The following PTPN12 variants were observed in gnomAD, a reference collection of about 807,000 sequenced individuals.
PTPN12 encodes the protein tyrosine-protein phosphatase non-receptor type 12.
In PTPN12, 29 loss-of-function variants were observed where a neutral mutation model predicts 97.6. The ratio of observed to expected loss-of-function variants is 0.30; its 90% CI spans 0.22 to 0.41. PTPN12 has a LOEUF of 0.41. Ranked by LOEUF, PTPN12 falls within the 10% of genes least tolerant of loss-of-function variation. PTPN12 has a pLI of 1.00. For missense variants in PTPN12, 819 were observed against 926.0 expected, an observed-to-expected ratio of 0.88 and a Z score of 1.50; for synonymous variants, 327 against 300.4, an observed-to-expected ratio of 1.09 and a Z score of -0.91.
chr7:77,591,231 GTAT>G (rs1462822180), intron 5 of PTPN12, among the ~76,000 whole-genome samples: 1 of 152,104 alleles, frequency 6.6e-6, no homozygotes, highest in Non-Finnish European at 1.5e-5. Context: ...TCCATTTACT[GTAT>G]TTGGAACTGT....
intron 8 of PTPN12, chr7:77,605,041 G>T (rs1562743013): frequency 1.2e-5 from 2 of 169,662 alleles, no homozygotes; most frequent in Non-Finnish European, 2.6e-5. Flanking sequence ...TCAAATTTTA[G>T]ATATATATAA....
intron 1 of PTPN12, among the ~76,000 whole-genome samples, chr7:77,570,831 T>A (rs1283449590): frequency 6.6e-6 from 1 of 152,252 alleles, no homozygotes; most frequent in African/African-American, 2.4e-5. Context: ...ATTAATGATA[T>A]CTTTAAATTA....
At chr7:77,627,939 T>C (rs570764250) in intron 13 of PTPN12, among the ~76,000 whole-genome samples, 145 of 152,352 alleles carry the variant, frequency 9.5e-4, no homozygotes, top group Non-Finnish European at 1.9e-3. Context: ...TTCTGTATTA[T>C]AGATCTTAGT....
chr7:77,597,920 T>C lies in PTPN12; in HGVS notation c.552+19T>C. 5 of 1,610,662 alleles carry C rather than the reference T, an allele frequency of 3.1e-6. No individual in the cohort carries two copies. The highest frequency in any genetic ancestry group is 1.1e-5 in the South Asian group (1 of 90,084). On this transcript the variant is annotated intron_variant, in intron 7 of 17. Coordinates refer to ENST00000248594, the MANE Select transcript of PTPN12 (RefSeq NM_002835.4). ...TCAAAATGTAGGTACTTACCATTTA[T>C]AGACTATCTGTAAGAATAGTTTTCA...
At chr7:77,612,317 C>T (rs1300854167) in intron 11 of PTPN12, among the ~76,000 whole-genome samples, 2 of 152,168 alleles carry the variant, frequency 1.3e-5, no homozygotes, top group African/African-American at 4.8e-5. Context: ...CCTTTATTAA[C>T]ATAGGAATTA....
At chr7:77,603,442 C>T (rs1448890650) in intron 8 of PTPN12, among the ~76,000 whole-genome samples, 1 of 152,160 alleles carries the variant, frequency 6.6e-6, no homozygotes, top group African/African-American at 2.4e-5. Context: ...TGTTAAAACT[C>T]GAGAATGTGT....
rs879720944 is a variant in PTPN12 at position 77,627,479 on chromosome 7, A to G, written c.1800A>G (p.Pro600=). The change falls in exon 13 of 18, where the codon CCA becomes CCG. Residue 600 remains proline, a synonymous_variant. Transcript: ENST00000248594. ...LFRTPLSFTN[P]LHSDDSDSDE... is the part of the protein sequence containing the mutation. The stretch of plus-strand genomic sequence containing the variant: ...GAACACCCCTCAGTTTTACTAATCC[A>G]CTTCACTCTGATGACTCAGACTCAG... 6.2e-7 allele frequency: 1 copy of G among 1,613,724 alleles called. No individual in the cohort carries two copies. Among genetic ancestry groups the G allele is most frequent in the Non-Finnish European group, 8.5e-7 (1 of 1,179,746 alleles).
At chr7:77,542,369 A>G (rs1807019895) in intron 1 of PTPN12, among the ~76,000 whole-genome samples, 1 of 152,176 alleles carries the variant, frequency 6.6e-6, no homozygotes. Context: ...GTTCTGGTAG[A>G]AAAGGTGAGA....
At chr7:77,631,572 A>G (rs574137070) in intron 13 of PTPN12, among the ~76,000 whole-genome samples, 1 of 152,352 alleles carries the variant, frequency 6.6e-6, no homozygotes, top group African/African-American at 2.4e-5. Flanking sequence ...TGAAAACTCA[A>G]AGATCAAATA....
intron 12 of PTPN12, 44 bp from the exon 13 acceptor site, chr7:77,626,661 G>C: frequency 6.5e-7 from 1 of 1,537,160 alleles, no homozygotes. Flanking sequence ...GTATCAACTT[G>C]TTTAACAGTC....
intron 5 of PTPN12, among the ~76,000 whole-genome samples, chr7:77,585,842 A>G (rs914576042): frequency 2.6e-5 from 4 of 152,234 alleles, no homozygotes; most frequent in African/African-American, 9.6e-5. Context: ...CAATAGCGCA[A>G]TTCAAACAAA....
At chr7:77,604,424 A>G (rs532941446) in intron 8 of PTPN12, among the ~76,000 whole-genome samples, 9 of 151,604 alleles carry the variant, frequency 5.9e-5, no homozygotes, top group Non-Finnish European at 1.2e-4. Context: ...CATGTTTGTC[A>G]GGCTGGTCTT....
At chr7:77,556,147 G>T (rs965454438) in intron 1 of PTPN12, among the ~76,000 whole-genome samples, 1 of 151,914 alleles carries the variant, frequency 6.6e-6, no homozygotes, top group Non-Finnish European at 1.5e-5. Context: ...TGCAACCTCC[G>T]CCTCCTGGGC....
Position 77,639,369 on chromosome 7 carries a change from G to T in PTPN12, c.*89G>T, listed in dbSNP as rs1789719102. 1.9e-6 allele frequency: 2 copies of T among 1,054,464 alleles called. No individual in the cohort carries two copies. The highest frequency in any genetic ancestry group is 1.4e-6 in the Non-Finnish European group (1 of 698,830). The allele number at this position is 1,054,464 out of a possible 1,614,324, so 65.3% of individuals were successfully genotyped here. A position where few individuals can be genotyped will look rare whatever the true frequency, so the allele number is the denominator to read the frequency against. On this transcript the variant is annotated 3_prime_UTR_variant, in exon 18 of 18. Transcript: ENST00000248594. ...TTATAGTATTCCATCTTTAATATGT[G>T]GGACTAACAGCAGTGTAGATTGTTA... is the stretch of plus-strand genomic sequence containing the variant.
At chr7:77,625,472 G>GCTTGCGCTCTCTCTCTCTCTCT (rs1554326598) in intron 12 of PTPN12, among the ~76,000 whole-genome samples, 7 of 33,530 alleles carry the variant, frequency 2.1e-4, no homozygotes, top group African/African-American at 8.0e-4. Context: ...CAGGCTGCTC[G>GCTTGCGCTCTCTCTCTCTCTCT]CTCTCTCTCT....
intron 1 of PTPN12, among the ~76,000 whole-genome samples, chr7:77,556,660 C>T (rs371867685): frequency 2.0e-5 from 3 of 151,914 alleles, no homozygotes; most frequent in East Asian, 1.9e-4. Context: ...CCATCCTGGC[C>T]AACATGGTGA....
chr7:77,571,800 C>T (rs887399888), intron 2 of PTPN12, among the ~76,000 whole-genome samples: 6 of 152,068 alleles, frequency 3.9e-5, no homozygotes, highest in African/African-American at 1.4e-4. Context: ...TCATACGATC[C>T]TCCCACCTCA....
chr7:77,538,265 G>A (rs763643872), intron 1 of PTPN12, among the ~76,000 whole-genome samples: 4 of 152,068 alleles, frequency 2.6e-5, no homozygotes, highest in Admixed American at 1.3e-4. Flanking sequence ...ATTTACCCGC[G>A]TCCCGCTTCT....
intron 7 of PTPN12, among the ~76,000 whole-genome samples, 163 bp from the exon 8 acceptor site, chr7:77,600,501 G>A (rs2151359601): frequency 6.6e-6 from 1 of 152,234 alleles, no homozygotes; most frequent in South Asian, 2.1e-4. Context: ...TATTTGGCAT[G>A]TGTTTAACAG....
Sources: allele counts gnomAD v4.1 joint callset (sites outside exome capture counted in the v4.1 genomes callset), GRCh38; gene constraint gnomAD v4.1.1; transcripts MANE v1.5; gene names NCBI Gene and HGNC (gene_info 2026-07-23, HGNC 2026-07-21).